Variants in CCDC146 observed in about 807,000 individuals in gnomAD.
CCDC146 encodes coiled-coil domain containing 146, also known as coiled-coil domain-containing protein 146.
A neutral mutation model predicts 119.3 loss-of-function variants in CCDC146; 92 were observed. The ratio of observed to expected loss-of-function variants is 0.77; its 90% CI spans 0.65 to 0.92. The LOEUF is 0.92. Ranked by LOEUF, CCDC146 falls within the 40% of genes least tolerant of loss-of-function variation. The pLI is 0.00. For synonymous variants in CCDC146, 372 were observed against 371.8 expected, an observed-to-expected ratio of 1.00 and a Z score of -0.01; for missense variants, 1,000 against 1,103.0, an observed-to-expected ratio of 0.91 and a Z score of 1.32.
chr7:77,155,830 T>A (rs1437300732), intron 1 of CCDC146, among the ~76,000 whole-genome samples: 4 of 152,226 alleles, frequency 2.6e-5, no homozygotes, highest in Non-Finnish European at 5.9e-5. Flanking sequence ...ATGGCAGTTC[T>A]GCCTCATGTA....
intron 2 of CCDC146, among the ~76,000 whole-genome samples, chr7:77,224,589 T>A (rs1792469252): frequency 6.6e-6 from 1 of 152,174 alleles, no homozygotes; most frequent in Non-Finnish European, 1.5e-5. Flanking sequence ...TCCTGGGGGA[T>A]GCGGGAGATT....
intron 2 of CCDC146, among the ~76,000 whole-genome samples, chr7:77,202,496 T>C (rs1792011335): frequency 6.6e-6 from 1 of 152,208 alleles, no homozygotes; most frequent in African/African-American, 2.4e-5. Flanking sequence ...AGCTTGGATG[T>C]GCTTTGAGAA....
chr7:77,178,610 G>C (rs1368512512), intron 2 of CCDC146, among the ~76,000 whole-genome samples: 2 of 152,110 alleles, frequency 1.3e-5, no homozygotes, highest in East Asian at 3.8e-4. Context: ...TAATTACGTA[G>C]TTAATACAGT....
chr7:77,259,670 A>G (rs1249262741), intron 7 of CCDC146, among the ~76,000 whole-genome samples: 1 of 152,216 alleles, frequency 6.6e-6, no homozygotes, highest in Non-Finnish European at 1.5e-5. Context: ...GCTCACCAAC[A>G]TCAAAGTTGA....
chr7:77,199,038 A>ATTTATTT, intron 2 of CCDC146: 3 of 702,268 alleles, frequency 4.3e-6, no homozygotes, highest in Non-Finnish European at 2.4e-6. Context: ...TTGAGAAGAT[A>ATTTATTT]TTTATTTTTT....
chr7:77,246,143 C>T (rs922136936), intron 4 of CCDC146, among the ~76,000 whole-genome samples: 1 of 152,156 alleles, frequency 6.6e-6, no homozygotes, highest in African/African-American at 2.4e-5. Context: ...CCTGACTGGT[C>T]AGTCACCAGA....
chr7:77,283,071 A>C (rs1321130649), intron 15 of CCDC146, among the ~76,000 whole-genome samples: 1 of 152,118 alleles, frequency 6.6e-6, no homozygotes, highest in Non-Finnish European at 1.5e-5. Context: ...CATAGCTCAA[A>C]ATTTAGTGAT....
chr7:77,206,835 G>A lies in CCDC146; in HGVS notation c.157-30112G>A, dbSNP rs564952112. Among the ~76,000 whole-genome samples the A allele has an allele frequency of 2.5e-3, 378 of 151,658 alleles. 1 individual carries two copies. The highest frequency in any genetic ancestry group is 4.0e-3 in the Non-Finnish European group (273 of 67,908). ...ATAATAATGTATAGCTTAGAAATTT[G>A]TTTTAATATTTCAATTTATTCATAA... is the stretch of plus-strand genomic sequence containing the variant. On this transcript the variant is annotated intron_variant, in intron 2 of 18. Transcript: ENST00000285871.
At chr7:77,186,067 A>G (rs1356992763) in intron 2 of CCDC146, among the ~76,000 whole-genome samples, 1 of 152,168 alleles carries the variant, frequency 6.6e-6, no homozygotes, top group Non-Finnish European at 1.5e-5. Context: ...CACAACCACT[A>G]TGGAGAACAG....
At chr7:77,259,920 A>C (rs1204038282) in intron 7 of CCDC146, 89 bp from the exon 8 acceptor site, 2 of 897,922 alleles carry the variant, frequency 2.2e-6, no homozygotes, top group East Asian at 2.5e-5. Flanking sequence ...TAAAGCCAGC[A>C]TGGCCTCAAA....
intron 1 of CCDC146, among the ~76,000 whole-genome samples, chr7:77,150,822 T>C (rs1791099610): frequency 6.6e-6 from 1 of 152,186 alleles, no homozygotes; most frequent in Admixed American, 6.5e-5. Context: ...TATCAATTGG[T>C]GAATGGCAAA....
Position 77,294,800 on chromosome 7 carries a change from A to C in CCDC146, c.2802A>C (p.Lys934Asn), listed in dbSNP as rs1329473477. Residue 934 changes from lysine to asparagine, a missense_variant, in exon 19 of 19, where the codon AAA becomes AAC. Lys to Asn is a moderately conservative substitution (Grantham distance 94). This residue lies in a region of CCDC146 where 985 missense variants were observed against 1,045.3 expected (regional missense o/e 0.94). Coordinates refer to ENST00000285871, the MANE Select transcript of CCDC146 (RefSeq NM_020879.3). ...PKPYGALAPF[K>N]PSEPGANMRH... ...CTTATGGTGCTTTGGCTCCTTTTAA[A>C]CCCAGTGAACCTGGAGCCAATATGA... The C allele has an allele frequency of 6.2e-7, 1 of 1,614,096 alleles. No individual in the cohort carries two copies. The highest frequency in any genetic ancestry group is 1.7e-4 in the Middle Eastern group (1 of 6,058).
chr7:77,255,035 C>T (rs191734538), intron 5 of CCDC146, among the ~76,000 whole-genome samples: 88 of 152,158 alleles, frequency 5.8e-4, no homozygotes, highest in African/African-American at 1.9e-3. Flanking sequence ...CTGAGCTGGC[C>T]GAATTGGGGC....
At chr7:77,261,699 G>A (rs113655545) in intron 8 of CCDC146, among the ~76,000 whole-genome samples, 3,072 of 151,892 alleles carry the variant, frequency 0.02, 102 homozygotes, top group African/African-American at 0.063. Context: ...GGATGGTCTC[G>A]ATCTCCTGAC....
At chr7:77,171,542 G>T (rs1791421583) in intron 2 of CCDC146, among the ~76,000 whole-genome samples, 1 of 152,096 alleles carries the variant, frequency 6.6e-6, no homozygotes, top group Non-Finnish European at 1.5e-5. Context: ...ACTTATCTGC[G>T]CTCCCCATCA....
chr7:77,287,753 T>C (rs979289858), intron 17 of CCDC146, among the ~76,000 whole-genome samples, 176 bp downstream of exon 17: 3 of 152,170 alleles, frequency 2.0e-5, no homozygotes, highest in African/African-American at 7.2e-5. Context: ...TCAATCTTAT[T>C]CCCTGAATTA....
intron 2 of CCDC146, among the ~76,000 whole-genome samples, chr7:77,233,191 C>T (rs557886314): frequency 7.3e-5 from 11 of 151,340 alleles, no homozygotes; most frequent in Non-Finnish European, 1.3e-4. Flanking sequence ...GGGGTTCAAG[C>T]GATTCTCCTG....
intron 2 of CCDC146, among the ~76,000 whole-genome samples, chr7:77,189,534 C>T (rs1238541285): frequency 6.6e-6 from 1 of 152,128 alleles, no homozygotes; most frequent in Non-Finnish European, 1.5e-5. Flanking sequence ...TCATGTCTTT[C>T]CTCTGCTCAA....
intron 2 of CCDC146, among the ~76,000 whole-genome samples, chr7:77,206,365 C>T (rs1460024283): frequency 6.6e-6 from 1 of 152,014 alleles, no homozygotes; most frequent in Non-Finnish European, 1.5e-5. Flanking sequence ...ACCTGTAATT[C>T]CAACACTTTG....
Sources: gnomAD v4.1 joint callset for allele counts (sites outside exome capture counted in the v4.1 genomes callset) on GRCh38, gnomAD v4.1.1 for gene constraint, gnomAD v4.1.1 regional missense constraint, MANE v1.5 for transcripts, NCBI Gene and HGNC (gene_info 2026-07-23, HGNC 2026-07-21) for gene names.